The following IRAG2 variants were observed in gnomAD, a reference collection of about 807,000 sequenced individuals.
The protein encoded by IRAG2 is inositol 1,4,5-triphosphate receptor associated 2.
Under a neutral mutation model 69.9 loss-of-function variants are expected in IRAG2, and 45 were observed. That is an observed-to-expected ratio of 0.64 (90% CI 0.51 to 0.83). The LOEUF (loss-of-function observed/expected upper bound fraction) is 0.83. Ranked by LOEUF, IRAG2 falls within the 40% of genes least tolerant of loss-of-function variation. IRAG2 has a pLI of 0.00. For missense variants in IRAG2, 520 were observed against 587.0 expected, an observed-to-expected ratio of 0.89 and a Z score of 1.18; for synonymous variants, 193 against 202.4, an observed-to-expected ratio of 0.95 and a Z score of 0.40.
intron 8 of IRAG2, among the ~76,000 whole-genome samples, chr12:25,024,337 A>G (rs1944606650): frequency 6.6e-6 from 1 of 152,254 alleles, no homozygotes; most frequent in Non-Finnish European, 1.5e-5. Flanking sequence ...TTTCTGGGCT[A>G]ATAGTACCTA....
chr12:25,077,330 T>TATATATGATATATATATG (rs1565563391), intron 6 of IRAG2, among the ~76,000 whole-genome samples: 2 of 12,252 alleles, frequency 1.6e-4, no homozygotes, highest in Non-Finnish European at 2.9e-4. Flanking sequence ...ATATATATGA[T>TATATATGATATATATATG]ATATATATGA....
At chr12:25,030,101 G>A (rs1159000150) in intron 9 of IRAG2, among the ~76,000 whole-genome samples, 1 of 152,078 alleles carries the variant, frequency 6.6e-6, no homozygotes, top group Admixed American at 6.6e-5. Context: ...TTTCCTCACT[G>A]GTAACATGAG....
chr12:25,032,094 G>T (rs1944672670), intron 10 of IRAG2: 1 of 398,302 alleles, frequency 2.5e-6, no homozygotes, highest in African/African-American at 2.1e-5. Flanking sequence ...TATATGATTT[G>T]GTGGACCCAT....
At chr12:25,005,570 A>G (rs1944424715) in intron 2 of IRAG2, among the ~76,000 whole-genome samples, 1 of 152,204 alleles carries the variant, frequency 6.6e-6, no homozygotes, top group Non-Finnish European at 1.5e-5. Context: ...AGCATATTTT[A>G]ACAGTGACTT....
intron 5 of IRAG2, among the ~76,000 whole-genome samples, 167 bp downstream of exon 5, chr12:25,066,679 T>C (rs1400444272): frequency 2.0e-5 from 3 of 151,858 alleles, no homozygotes; most frequent in African/African-American, 7.3e-5. Flanking sequence ...TTTTTTTTTT[T>C]TGAGATGGAA....
At chr12:25,025,778 C>G (rs1944616861) in intron 8 of IRAG2, among the ~76,000 whole-genome samples, 1 of 152,020 alleles carries the variant, frequency 6.6e-6, no homozygotes, top group Non-Finnish European at 1.5e-5. Flanking sequence ...TGTAATATAT[C>G]CAAAGATATT....
chr12:25,066,199 GT>G (rs1555135215), intron 4 of IRAG2, among the ~76,000 whole-genome samples, 165 bp from the exon 5 acceptor site: 1 of 151,926 alleles, frequency 6.6e-6, no homozygotes, highest in Non-Finnish European at 1.5e-5. Flanking sequence ...AGCATTTGAC[GT>G]TTTTACCCTC....
At chr12:25,022,014 AGAC>A (rs1944585057) in intron 7 of IRAG2, among the ~76,000 whole-genome samples, 1 of 152,246 alleles carries the variant, frequency 6.6e-6, no homozygotes, top group African/African-American at 2.4e-5. Flanking sequence ...CTTGGGAGTC[AGAC>A]TGCCTTCCTT....
intron 9 of IRAG2, among the ~76,000 whole-genome samples, chr12:25,027,550 A>G (rs1249706261): frequency 6.6e-6 from 1 of 151,718 alleles, no homozygotes; most frequent in Non-Finnish European, 1.5e-5. Flanking sequence ...ACCCGCCACC[A>G]CACCCAGCTA....
At chr12:25,014,923 C>T (rs1944508850) in intron 3 of IRAG2, among the ~76,000 whole-genome samples, 1 of 151,256 alleles carries the variant, frequency 6.6e-6, no homozygotes, top group African/African-American at 2.4e-5. Context: ...GAGGTAATGC[C>T]TAATGTACCA....
Position 25,104,397 on chromosome 12 carries a change from C to T in IRAG2, c.1083C>T (p.Pro361=), listed in dbSNP as rs901324492. The stretch of plus-strand genomic sequence containing the variant: ...GGTCAAAGCAGAGTGAACACCGTCC[C>T]TCATTACCTCGATTTATTAGCACCT... The part of the protein sequence containing the change: ...ILGSKQSEHR[P]SLPRFISTYS... The change falls in exon 20 of 22, where the codon CCC becomes CCT. Residue 361 remains proline (P), a synonymous_variant. Coordinates refer to ENST00000556887, the MANE Select transcript of IRAG2 (RefSeq NM_001366544.2). 8 of 1,613,406 alleles carry T rather than the reference C, an allele frequency of 5.0e-6. No individual in the cohort carries two copies. Among genetic ancestry groups the T allele is most frequent in the Non-Finnish European group, 6.8e-6 (8 of 1,179,486 alleles).
At chr12:25,059,354 A>AT (rs1021823962) in intron 1 of IRAG2, among the ~76,000 whole-genome samples, 57 of 151,482 alleles carry the variant, frequency 3.8e-4, no homozygotes, top group South Asian at 3.6e-3. Flanking sequence ...AGAAATACTT[A>AT]TTTTTTTTTC....
intron 6 of IRAG2, among the ~76,000 whole-genome samples, chr12:25,070,199 C>T (rs2140029551): frequency 6.6e-6 from 1 of 152,236 alleles, no homozygotes; most frequent in South Asian, 2.1e-4. Flanking sequence ...CAACCATCAC[C>T]ACAATCGGTC....
intron 6 of IRAG2, among the ~76,000 whole-genome samples, chr12:25,077,277 A>T (rs58795438): frequency 0.11 from 2,407 of 21,252 alleles, 552 homozygotes; most frequent in East Asian, 0.67. Context: ...ATATATATGA[A>T]ATATATATGA....
chr12:25,005,050 A>T (rs1944420394), intron 1 of IRAG2: 1 of 631,416 alleles, frequency 1.6e-6, no homozygotes, highest in East Asian at 3.5e-5. Context: ...TTCTGTTTTA[A>T]CTATGTTTGT....
chr12:25,043,153 G>C (rs937481289), intron 16 of IRAG2, among the ~76,000 whole-genome samples: 1 of 152,190 alleles, frequency 6.6e-6, no homozygotes, highest in African/African-American at 2.4e-5. Flanking sequence ...AGAGGCTCCT[G>C]AATCCTGAGT....
intron 4 of IRAG2, among the ~76,000 whole-genome samples, chr12:25,065,129 G>A (rs1001956051): frequency 6.6e-6 from 1 of 151,420 alleles, no homozygotes; most frequent in Non-Finnish European, 1.5e-5. Context: ...CTTGCTATGT[G>A]CCAGACACAG....
At chr12:25,024,608 A>G (rs1199696567) in intron 8 of IRAG2, among the ~76,000 whole-genome samples, 4 of 152,192 alleles carry the variant, frequency 2.6e-5, no homozygotes, top group Non-Finnish European at 5.9e-5. Flanking sequence ...TTTTGCTTTT[A>G]TGTGAGGCTA....
rs540934104 is a variant in IRAG2 at position 25,067,679 on chromosome 12, A to AT, written c.-59+1174dup. 6.6e-4 allele frequency among the ~76,000 whole-genome samples: 100 copies of AT among 151,936 alleles called. 2 individuals carry two copies. Among genetic ancestry groups the AT allele is most frequent in the African/African-American group, 2.3e-3 (95 of 41,384 alleles). Reference sequence around the variant, plus strand: ...TTCATTTATTTATTTATTTAAATTTATTTTTTTGGAGGCAGGATCTCACTC... The same window carrying AT: ...TTCATTTATTTATTTATTTAAATTTATTTTTTTTGGAGGCAGGATCTCACTC... On this transcript the variant is annotated intron_variant, in intron 5 of 21. Transcript: ENST00000556887.
Sources: allele counts gnomAD v4.1 joint callset (sites outside exome capture counted in the v4.1 genomes callset), GRCh38; gene constraint gnomAD v4.1.1; transcripts MANE v1.5; gene names NCBI Gene and HGNC (gene_info 2026-07-23, HGNC 2026-07-21).